RBPJ: variants seen among roughly 807,000 people sequenced by gnomAD.
RBPJ encodes recombining binding protein suppressor of hairless.
In RBPJ, 9 loss-of-function variants were observed where a neutral mutation model predicts 67.8. The ratio of observed to expected loss-of-function variants is 0.13; its 90% CI spans 0.08 to 0.23. The LOEUF (loss-of-function observed/expected upper bound fraction) is 0.23. RBPJ is among the 10% of genes least tolerant of loss of function. The pLI is 1.00. For synonymous variants in RBPJ, 198 were observed against 203.3 expected, an observed-to-expected ratio of 0.97 and a Z score of 0.22; for missense variants, 305 against 595.6, an observed-to-expected ratio of 0.51 and a Z score of 5.08.
chr4:26,353,606 ATTCT>A (rs1727030242), intron 1 of RBPJ, among the ~76,000 whole-genome samples: 1 of 137,298 alleles, frequency 7.3e-6, no homozygotes, highest in African/African-American at 2.7e-5. Flanking sequence ...AATTCACAGT[ATTCT>A]TTTTTTTTTT....
In RBPJ at chr4:26,279,119, T is replaced by C. The variant is rs143355147; in HGVS notation, c.-166-83327T>C. On this transcript the variant is annotated intron_variant, in intron 1 of 4. Coordinates refer to the RBPJ transcript ENST00000512351. ...AGCACAGTGCCTGGCCCACAGTATGTACTCAATAAATGTTAACTATTTGTT... is the reference window on the plus strand; with the variant it reads ...AGCACAGTGCCTGGCCCACAGTATGCACTCAATAAATGTTAACTATTTGTT... Among the ~76,000 whole-genome samples, 20 of 152,316 alleles carry C rather than the reference T, an allele frequency of 1.3e-4. 2 individuals carry two copies. The East Asian group carries it at 3.7e-3, about 28-fold the overall frequency.
At chr4:26,214,664 AAGAAACAAGG>A (rs1718577462) in intron 1 of RBPJ, among the ~76,000 whole-genome samples, 1 of 139,708 alleles carries the variant, frequency 7.2e-6, no homozygotes, top group African/African-American at 2.9e-5. Context: ...AAAAGGAAGG[AAGAAACAAGG>A]GAGGGAGGAG....
At chr4:26,138,676 G>A in the RBPJ span, among the ~76,000 whole-genome samples, 44 of 152,346 alleles carry the variant, frequency 2.9e-4, no homozygotes, top group East Asian at 6.8e-3. Context: ...GGCAGAGGCC[G>A]TCCCATGTTA....
Position 26,430,078 on chromosome 4 carries a change from C to G in RBPJ, c.1044+25C>G. On this transcript the variant is annotated intron_variant, in intron 9 of 10. Coordinates refer to ENST00000355476, the MANE Select transcript of RBPJ (RefSeq NM_015874.6). This position sits in a 1 kb window ranked among gnomAD's most constrained non-coding sequence, Gnocchi z 4.1. ...GGTGAGAACGCCTAGTCCAAGTTGG[C>G]CTTCAGCTCTTTGCAGCTACTCTCA... The G allele has an allele frequency of 1.2e-6, 2 of 1,613,222 alleles. No homozygotes were observed. The highest frequency in any genetic ancestry group is 8.5e-7 in the Non-Finnish European group (1 of 1,179,530).
intron 3 of RBPJ, among the ~76,000 whole-genome samples, chr4:26,408,030 A>G (rs985984327): frequency 2.0e-4 from 30 of 150,530 alleles, no homozygotes; most frequent in African/African-American, 6.8e-4. Context: ...ACTCACCACC[A>G]TGGCCAGCTA....
At chr4:26,223,863 A>G (rs747201737) in intron 1 of RBPJ, among the ~76,000 whole-genome samples, 23 of 152,330 alleles carry the variant, frequency 1.5e-4, no homozygotes, top group Non-Finnish European at 2.6e-4. Context: ...TCATCACATT[A>G]TCATAATAAG....
rs997406786 is a variant in RBPJ, at chr4:26,291,292, A to C, written c.-166-71154A>C. Among the ~76,000 whole-genome samples the C allele has an allele frequency of 1.1e-4, 17 of 151,104 alleles. 1 individual carries two copies. The highest frequency in any genetic ancestry group is 6.6e-4 in the Admixed American group (10 of 15,178). ...TCACAACAGGATATTGTTCAGTATAACTTTTTGCATCCAACAGAAATACAA... is the reference window on the plus strand; with the variant it reads ...TCACAACAGGATATTGTTCAGTATACCTTTTTGCATCCAACAGAAATACAA... On this transcript the variant is annotated intron_variant, in intron 1 of 4. Transcript: ENST00000512351.
chr4:26,215,833 G>A (rs1315658307), intron 1 of RBPJ, among the ~76,000 whole-genome samples: 1 of 152,150 alleles, frequency 6.6e-6, no homozygotes, highest in Non-Finnish European at 1.5e-5. Context: ...CTCCTTGCCA[G>A]TCTCTGGATT....
chr4:26,257,158 T>A (rs1720367973), intron 1 of RBPJ, among the ~76,000 whole-genome samples: 1 of 152,252 alleles, frequency 6.6e-6, no homozygotes, highest in Admixed American at 6.5e-5. Context: ...TGCATCAACC[T>A]ATTTAATACC....
At chr4:26,277,784 A>G (rs574861227) in intron 1 of RBPJ, among the ~76,000 whole-genome samples, 1 of 152,352 alleles carries the variant, frequency 6.6e-6, no homozygotes, top group African/African-American at 2.4e-5. Context: ...GACCCTCTCT[A>G]GCCCCAAAAG....
In RBPJ at chr4:26,431,012, C is replaced by T. The variant is rs368717046; in HGVS notation, c.*5C>T. Reference sequence around the variant, plus strand: ...ACAGCCACAGTGGTATCCTAACTACCGTCTTTTTGCTAGGACTTAAACTGA... The same window carrying T: ...ACAGCCACAGTGGTATCCTAACTACTGTCTTTTTGCTAGGACTTAAACTGA... On this transcript the variant is annotated 3_prime_UTR_variant, in exon 11 of 11. Coordinates refer to ENST00000355476, the MANE Select transcript of RBPJ (RefSeq NM_015874.6). 1.3e-5 allele frequency: 21 copies of T among 1,609,522 alleles called. No homozygotes were observed. In the East Asian group the frequency reaches 3.1e-4, roughly 24 times the overall value.
intron 1 of RBPJ, among the ~76,000 whole-genome samples, chr4:26,258,575 A>G (rs1216652019): frequency 2.0e-5 from 3 of 152,228 alleles, no homozygotes; most frequent in African/African-American, 7.2e-5. Context: ...AGGGACTTCA[A>G]AAAGTTCATA....
upstream of RBPJ, among the ~76,000 whole-genome samples, chr4:26,161,815 G>A (rs543458593): frequency 2.0e-5 from 3 of 152,358 alleles, no homozygotes; most frequent in Non-Finnish European, 4.4e-5. Context: ...CCTGTGGTAG[G>A]GAGGAGGGGG....
chr4:26,277,979 TTG>T (rs1028372161), intron 1 of RBPJ, among the ~76,000 whole-genome samples: 1 of 152,164 alleles, frequency 6.6e-6, no homozygotes, highest in Non-Finnish European at 1.5e-5. Context: ...ATGTGTGTGT[TTG>T]TGTGTGTGTC....
chr4:26,346,504 A>G lies in RBPJ; in HGVS notation c.20+25456A>G, dbSNP rs369235217. Among the ~76,000 whole-genome samples the G allele has an allele frequency of 8.5e-5, 13 of 152,320 alleles. No homozygotes were observed. In the East Asian group the frequency reaches 1.9e-3, roughly 23 times the overall value. On this transcript the variant is annotated intron_variant, in intron 1 of 10. Transcript: ENST00000355476. ...AAAGAGAAGGGAAGATGGAGCCGCT[A>G]TCTTGAACATGATTGGCACAACTGC...
In RBPJ at chr4:26,431,212, G is replaced by GA. The variant is rs1181695025; in HGVS notation, c.*214dup. 2.3e-4 allele frequency: 62 copies of GA among 266,176 alleles called. No homozygotes were observed. The highest frequency in any genetic ancestry group is 5.6e-4 in the African/African-American group (16 of 28,730). The allele number at this position is 266,176 out of a possible 1,614,324, so 16.5% of individuals were successfully genotyped here. On this transcript the variant is annotated 3_prime_UTR_variant, in exon 11 of 11. Coordinates refer to ENST00000355476, the MANE Select transcript of RBPJ (RefSeq NM_015874.6). ...AAAAAAAAAAAAAAAAAAAAAAAAA[G>GA]AAAAAAAAATCAAAATGTATAAATA...
intron 3 of RBPJ, among the ~76,000 whole-genome samples, chr4:26,409,371 A>G (rs1024539844): frequency 9.2e-5 from 14 of 152,132 alleles, no homozygotes; most frequent in African/African-American, 3.4e-4. Context: ...GTGCCACTGC[A>G]CTCCAGCCTG....
chr4:26,203,686 T>C (rs1019868942), intron 1 of RBPJ, among the ~76,000 whole-genome samples: 18 of 152,166 alleles, frequency 1.2e-4, no homozygotes, highest in Non-Finnish European at 2.2e-4. Context: ...ATAAAGGCAT[T>C]AGCTGCCAGC....
chr4:26,161,144 A>G (rs1180480050), upstream of RBPJ, among the ~76,000 whole-genome samples: 35 of 152,228 alleles, frequency 2.3e-4, 1 homozygote. Flanking sequence ...AAGAGGCCTT[A>G]TACACATTCA....
Sources: gnomAD v4.1 joint callset for allele counts (sites outside exome capture counted in the v4.1 genomes callset) on GRCh38, gnomAD v4.1.1 for gene constraint, Gnocchi (gnomAD v3.1) non-coding constraint, MANE v1.5 for transcripts, NCBI Gene and HGNC (gene_info 2026-07-23, HGNC 2026-07-21) for gene names.